The following ITFG1 variants were observed in gnomAD, a reference collection of about 807,000 sequenced individuals.
ITFG1 encodes integrin alpha FG-GAP repeat containing 1, also known as T-cell immunomodulatory protein.
In ITFG1, 34 loss-of-function variants were observed where a neutral mutation model predicts 81.8. The observed-to-expected ratio is 0.42, with a 90% confidence interval of 0.32 to 0.55. The LOEUF is 0.55. ITFG1 is among the 20% of genes least tolerant of loss of function. ITFG1 has a pLI of 0.17. For synonymous variants in ITFG1, 285 were observed against 270.6 expected, an observed-to-expected ratio of 1.05 and a Z score of -0.52; for missense variants, 672 against 755.4, an observed-to-expected ratio of 0.89 and a Z score of 1.29.
chr16:47,280,574 TAGG>T (rs1289107082), intron 10 of ITFG1, among the ~76,000 whole-genome samples: 7 of 152,142 alleles, frequency 4.6e-5, no homozygotes, highest in Non-Finnish European at 1.0e-4. Context: ...TCCTGAGCAA[TAGG>T]AGCATCTTTT....
chr16:47,270,830 T>C (rs1450754160), intron 10 of ITFG1, among the ~76,000 whole-genome samples: 2 of 152,184 alleles, frequency 1.3e-5, no homozygotes, highest in Non-Finnish European at 2.9e-5. Context: ...TGTGATTCCA[T>C]TAATATAAAA....
At chr16:47,453,158 A>G (rs753545703) in intron 3 of ITFG1, among the ~76,000 whole-genome samples, 3 of 152,214 alleles carry the variant, frequency 2.0e-5, no homozygotes, top group Non-Finnish European at 4.4e-5. Context: ...TAAAATGTAC[A>G]TGCTTATATA....
chr16:47,265,103 C>T (rs1218312191), intron 10 of ITFG1, among the ~76,000 whole-genome samples: 1 of 150,080 alleles, frequency 6.7e-6, no homozygotes, highest in Admixed American at 6.6e-5. Flanking sequence ...TTAATAACTG[C>T]TATTATTATT....
chr16:47,273,677 C>T (rs1459594304), intron 10 of ITFG1, among the ~76,000 whole-genome samples: 1 of 152,040 alleles, frequency 6.6e-6, no homozygotes, highest in Non-Finnish European at 1.5e-5. Context: ...GAAAGGGAAA[C>T]CTAATGGAAT....
chr16:47,224,307 T>A (rs761316106), intron 13 of ITFG1, among the ~76,000 whole-genome samples: 1 of 151,982 alleles, frequency 6.6e-6, no homozygotes, highest in Non-Finnish European at 1.5e-5. Context: ...TAATGAGAGG[T>A]TGACCAAATC....
At chr16:47,363,336 C>A (rs1227015652) in intron 8 of ITFG1, among the ~76,000 whole-genome samples, 2 of 151,800 alleles carry the variant, frequency 1.3e-5, no homozygotes, top group Non-Finnish European at 2.9e-5. Flanking sequence ...TGTTAAAGAC[C>A]CTGTGAAACT....
chr16:47,408,894 GT>G (rs1441428218), intron 6 of ITFG1, among the ~76,000 whole-genome samples: 1 of 152,058 alleles, frequency 6.6e-6, no homozygotes, highest in African/African-American at 2.4e-5. Context: ...ATCTATACCT[GT>G]TGATTTTTAC....
At chr16:47,434,623 T>C (rs1472018979) in intron 5 of ITFG1, among the ~76,000 whole-genome samples, 6 of 152,170 alleles carry the variant, frequency 3.9e-5, no homozygotes, top group Non-Finnish European at 7.4e-5. Flanking sequence ...AGTTCAATCA[T>C]TGTAGAAGAC....
intron 14 of ITFG1, among the ~76,000 whole-genome samples, chr16:47,169,095 T>C (rs866008723): frequency 6.6e-6 from 1 of 152,356 alleles, no homozygotes; most frequent in Middle Eastern, 3.4e-3. Context: ...TGTCTGTCTT[T>C]TTGCCAGCAC....
At chr16:47,460,759 G>A (rs904585557) in intron 1 of ITFG1, 79 bp downstream of exon 1, 54 of 1,449,036 alleles carry the variant, frequency 3.7e-5, no homozygotes, top group Admixed American at 1.5e-4. Flanking sequence ...AGAAGGACCG[G>A]CCATTGGGCA....
At chr16:47,159,995 A>G (rs1273393618) in intron 16 of ITFG1, among the ~76,000 whole-genome samples, 2 of 152,126 alleles carry the variant, frequency 1.3e-5, no homozygotes, top group African/African-American at 4.8e-5. Context: ...AGATTACGGA[A>G]AAAAGCTATG....
chr16:47,435,789 T>C (rs557122624), intron 5 of ITFG1, among the ~76,000 whole-genome samples: 27 of 152,304 alleles, frequency 1.8e-4, no homozygotes, highest in African/African-American at 6.0e-4. Context: ...CGAAAGAATT[T>C]TGAATGCTGA....
intron 10 of ITFG1, among the ~76,000 whole-genome samples, chr16:47,272,205 TC>T (rs1966350233): frequency 6.6e-6 from 1 of 151,882 alleles, no homozygotes; most frequent in Non-Finnish European, 1.5e-5. Flanking sequence ...TCAGAACAGG[TC>T]CAATTATAGA....
chr16:47,270,494 T>G (rs1262854492), intron 10 of ITFG1, among the ~76,000 whole-genome samples: 1 of 152,216 alleles, frequency 6.6e-6, no homozygotes, highest in Non-Finnish European at 1.5e-5. Flanking sequence ...GAAACTGGCA[T>G]GTCTGCCATT....
At chr16:47,202,682 A>G (rs1286350983) in intron 14 of ITFG1, among the ~76,000 whole-genome samples, 1 of 152,134 alleles carries the variant, frequency 6.6e-6, no homozygotes, top group African/African-American at 2.4e-5. Context: ...AACAACAACA[A>G]AACAGAAAAA....
intron 6 of ITFG1, among the ~76,000 whole-genome samples, chr16:47,420,664 T>C (rs965526133): frequency 6.6e-6 from 1 of 152,170 alleles, no homozygotes; most frequent in African/African-American, 2.4e-5. Flanking sequence ...GGTACTTCCC[T>C]CTCTCTCGTG....
chr16:47,437,754 C>T (rs761726322), intron 5 of ITFG1, among the ~76,000 whole-genome samples: 2 of 152,238 alleles, frequency 1.3e-5, no homozygotes, highest in African/African-American at 2.4e-5. Context: ...CTCCAGCCTA[C>T]AGCTCCCACT....
intron 6 of ITFG1, among the ~76,000 whole-genome samples, chr16:47,412,652 C>T (rs147916835): frequency 0.018 from 2,749 of 149,104 alleles, 31 homozygotes; most frequent in Middle Eastern, 0.031. Context: ...CCAAGATTTG[C>T]GCCACTGCAC....
At chr16:47,363,053 C>G (rs1056691470) in intron 8 of ITFG1, among the ~76,000 whole-genome samples, 1 of 152,054 alleles carries the variant, frequency 6.6e-6, no homozygotes, top group Non-Finnish European at 1.5e-5. Context: ...TGTGCCACCA[C>G]GTCCAGCTAA....
Sources: allele counts gnomAD v4.1 joint callset (sites outside exome capture counted in the v4.1 genomes callset), GRCh38; gene constraint gnomAD v4.1.1; transcripts MANE v1.5; gene names NCBI Gene and HGNC (gene_info 2026-07-23, HGNC 2026-07-21).